The following CRMP1 variants were observed in gnomAD, a reference collection of about 807,000 sequenced individuals.
CRMP1 encodes the protein dihydropyrimidinase-related protein 1.
Under a neutral mutation model 68.3 loss-of-function variants are expected in CRMP1, and 19 were observed. That is an observed-to-expected ratio of 0.28 (90% CI 0.19 to 0.41). The LOEUF is 0.41. Among genes scored for constraint, CRMP1 ranks in the 10% least tolerant of loss-of-function variants. The pLI is 1.00. For synonymous variants in CRMP1, 439 were observed against 399.6 expected (o/e 1.10, Z -1.18); for missense variants, 791 against 967.4 (o/e 0.82, Z 2.42).
At chr4:5,869,681 C>CAAA (rs33973891) in intron 1 of CRMP1, among the ~76,000 whole-genome samples, 79 of 92,908 alleles carry the variant, frequency 8.5e-4, no homozygotes, top group African/African-American at 3.1e-3. Context: ...AAGACTCCGT[C>CAAA]AAAAAAAAAA....
In CRMP1 at chr4:5,889,634, C is replaced by G. The variant is rs1247471090; in HGVS notation, c.381+2955G>C. Reference sequence around the variant, plus strand: ...AGAATAAAACACCAACCTTGTCCACCACTTCGTTGTTCATTTTCTGCATGC... The same window carrying G: ...AGAATAAAACACCAACCTTGTCCACGACTTCGTTGTTCATTTTCTGCATGC... On this transcript the variant is annotated intron_variant, in intron 1 of 13. Coordinates refer to ENST00000324989, the MANE Select transcript of CRMP1 (RefSeq NM_001014809.3). The surrounding 1 kb of genome is among the most constrained non-coding windows in gnomAD (Gnocchi z 4.5). The G allele has an allele frequency of 6.5e-7, 1 of 1,536,072 alleles. No individual in the cohort carries two copies. Among genetic ancestry groups the G allele is most frequent in the Admixed American group, 2.0e-5 (1 of 50,990 alleles).
In CRMP1 at chr4:5,865,417, C is replaced by G. The variant is rs963776962; in HGVS notation, c.470+1251G>C. 1.3e-5 allele frequency among the ~76,000 whole-genome samples: 2 copies of G among 151,996 alleles called. No homozygotes were observed. Among genetic ancestry groups the G allele is most frequent in the Non-Finnish European group, 2.9e-5 (2 of 67,996 alleles). On this transcript the variant is annotated intron_variant, in intron 2 of 13. Coordinates refer to ENST00000324989, the MANE Select transcript of CRMP1 (RefSeq NM_001014809.3). The surrounding 1 kb of genome is among the most constrained non-coding windows in gnomAD (Gnocchi z 4.1). ...CGAGCGGATCACGAGGTCAGGAGAT[C>G]GAGACCATCCTGGCCAACATGGTGA...
rs1199298504 is a variant in CRMP1, at chr4:5,860,690, T to C, written c.655+336A>G. 6.6e-6 allele frequency among the ~76,000 whole-genome samples: 1 copy of C among 151,982 alleles called. No homozygotes were observed. Among genetic ancestry groups the C allele is most frequent in the African/African-American group, 2.4e-5 (1 of 41,284 alleles). ...TGTCTTCTTTACTTAATACTTTTCTTTAAACAAATTTTGTTTCTAAAAATC... is the reference window on the plus strand; with the variant it reads ...TGTCTTCTTTACTTAATACTTTTCTCTAAACAAATTTTGTTTCTAAAAATC... On this transcript the variant is annotated intron_variant, in intron 3 of 13. Coordinates refer to ENST00000324989, the MANE Select transcript of CRMP1 (RefSeq NM_001014809.3). This position sits in a 1 kb window ranked among gnomAD's most constrained non-coding sequence, Gnocchi z 4.2.
intron 12 of CRMP1, chr4:5,828,179 T>C (rs1719982562): frequency 2.0e-6 from 2 of 985,250 alleles, no homozygotes; most frequent in Non-Finnish European, 2.4e-6. Flanking sequence ...TGGGCAGGAT[T>C]ACTTAAGATG....
intron 11 of CRMP1, among the ~76,000 whole-genome samples, 193 bp from the exon 12 acceptor site, chr4:5,828,861 C>A (rs1186155674): frequency 6.6e-6 from 1 of 152,078 alleles, no homozygotes; most frequent in Admixed American, 6.6e-5. Flanking sequence ...CTCACCGTTG[C>A]GCATGTAGGC....
chr4:5,843,033 C>T lies in CRMP1; in HGVS notation c.1032+60G>A. Reference sequence around the variant, plus strand: ...GGCTGGGCTACTCCAGCTGGAACAGCATCAAGGTGAGTGCTCAGTGGTGAG... The same window carrying T: ...GGCTGGGCTACTCCAGCTGGAACAGTATCAAGGTGAGTGCTCAGTGGTGAG... On this transcript the variant is annotated intron_variant, in intron 7 of 13. Coordinates refer to ENST00000324989, the MANE Select transcript of CRMP1 (RefSeq NM_001014809.3). This position sits in a 1 kb window ranked among gnomAD's most constrained non-coding sequence, Gnocchi z 4.1. 1 of 1,528,222 alleles carries T rather than the reference C, an allele frequency of 6.5e-7. No individual in the cohort carries two copies. The highest frequency in any genetic ancestry group is 9.1e-7 in the Non-Finnish European group (1 of 1,103,704). 94.7% of individuals were successfully genotyped at this position (1,528,222 alleles called of 1,614,324 possible). A position where few individuals can be genotyped will look rare whatever the true frequency, so the allele number is the denominator to read the frequency against.
At chr4:5,828,411 C>A in intron 12 of CRMP1, 78 bp downstream of exon 12, 1 of 1,546,852 alleles carries the variant, frequency 6.5e-7, no homozygotes, top group South Asian at 1.3e-5. Flanking sequence ...ACTCTGCACA[C>A]GTCAGATCTC....
rs35551598 is a variant in CRMP1, at chr4:5,854,399, G to GTTTTTTT, written c.820+1737_820+1743dup. 5.6e-5 allele frequency among the ~76,000 whole-genome samples: 4 copies of GTTTTTTT among 70,862 alleles called. No individual in the cohort carries two copies. The highest frequency in any genetic ancestry group is 1.6e-4 in the Admixed American group (1 of 6,160). The allele number at this position is 70,862 out of a possible 152,430, so 46.5% of individuals were successfully genotyped here. ...GGCGTACACCACCACTCCTGGCTAT[G>GTTTTTTT]TTTTTTTTTTTTTTTTTTTTTTTTT... On this transcript the variant is annotated intron_variant, in intron 4 of 13. Coordinates refer to ENST00000324989, the MANE Select transcript of CRMP1 (RefSeq NM_001014809.3). This position sits in a 1 kb window ranked among gnomAD's most constrained non-coding sequence, Gnocchi z 4.0.
intron 6 of CRMP1, among the ~76,000 whole-genome samples, chr4:5,845,374 G>C (rs1712114111): frequency 6.6e-6 from 1 of 152,246 alleles, no homozygotes; most frequent in African/African-American, 2.4e-5. Context: ...TGCTCTGAAG[G>C]AAGCCGCCTC....
At chr4:5,840,146 G>A (rs1212105616) in intron 8 of CRMP1, among the ~76,000 whole-genome samples, 2 of 152,162 alleles carry the variant, frequency 1.3e-5, no homozygotes, top group Non-Finnish European at 2.9e-5. Flanking sequence ...CCAATAAAGG[G>A]AGATTTCTCA....
chr4:5,868,026 A>G (rs1449452200), intron 1 of CRMP1, among the ~76,000 whole-genome samples: 1 of 151,918 alleles, frequency 6.6e-6, no homozygotes, highest in Non-Finnish European at 1.5e-5. Context: ...GGCACAGACT[A>G]GGCTTTCAAC....
chr4:5,822,076 TGTG>T (rs1282712771), intron 13 of CRMP1, among the ~76,000 whole-genome samples: 1 of 152,228 alleles, frequency 6.6e-6, no homozygotes, highest in East Asian at 1.9e-4. Context: ...CTGACCACCT[TGTG>T]GTGTTCTTGT....
At chr4:5,831,703 A>T (rs571300251) in intron 11 of CRMP1, among the ~76,000 whole-genome samples, 23 of 152,188 alleles carry the variant, frequency 1.5e-4, no homozygotes, top group Non-Finnish European at 2.5e-4. Context: ...CAAGCTGCAG[A>T]GGTGTGAGGA....
Position 5,888,702 on chromosome 4 carries a change from T to A in CRMP1, c.381+3887A>T. ...CCCTTGGCGGGCCCTGGCCTCGCTC[T>A]CGCGATCCAGAGAGTATGGTTTTCA... is the stretch of plus-strand genomic sequence containing the variant. On this transcript the variant is annotated intron_variant, in intron 1 of 13. Coordinates refer to ENST00000324989, the MANE Select transcript of CRMP1 (RefSeq NM_001014809.3). This position sits in a 1 kb window ranked among gnomAD's most constrained non-coding sequence, Gnocchi z 6.4. 1 of 819,790 alleles carries A rather than the reference T, an allele frequency of 1.2e-6. No homozygotes were observed. The highest frequency in any genetic ancestry group is 1.5e-6 in the Non-Finnish European group (1 of 683,814). The allele number at this position is 819,790 out of a possible 1,614,324, so 50.8% of individuals were successfully genotyped here.
chr4:5,842,816 C>T lies in CRMP1; in HGVS notation c.1032+277G>A, dbSNP rs1053126265. Among the ~76,000 whole-genome samples the T allele has an allele frequency of 1.3e-5, 2 of 152,140 alleles. No homozygotes were observed. Among genetic ancestry groups the T allele is most frequent in the African/African-American group, 4.8e-5 (2 of 41,428 alleles). On this transcript the variant is annotated intron_variant, in intron 7 of 13. Coordinates refer to ENST00000324989, the MANE Select transcript of CRMP1 (RefSeq NM_001014809.3). This position sits in a 1 kb window ranked among gnomAD's most constrained non-coding sequence, Gnocchi z 4.5. ...CTCCACTTTCCTATTATCCACTATGCCATGTCCTCCATGAGAATCCGTATC... is the reference window on the plus strand; with the variant it reads ...CTCCACTTTCCTATTATCCACTATGTCATGTCCTCCATGAGAATCCGTATC...
At position 5,861,099 on chromosome 4, in the gene CRMP1, G is replaced by A. The variant is rs1163539308; in HGVS notation, c.582C>T (p.Ser194=). The change falls in exon 3 of 14, where the codon TCC becomes TCT. Residue 194 remains serine, a synonymous_variant. Transcript: ENST00000324989. This position sits in a 1 kb window ranked among gnomAD's most constrained non-coding sequence, Gnocchi z 6.0. ...AGTCATCAGCCGCAGTCATCCCCTG[G>A]GAGGGCTTCTGCAGGTACGTGTTGA... ...IDVNTYLQKP[S]QGMTAADDFF... The A allele has an allele frequency of 1.2e-6, 2 of 1,614,196 alleles. No homozygotes were observed. Among genetic ancestry groups the A allele is most frequent in the South Asian group, 1.1e-5 (1 of 91,084 alleles).
intron 1 of CRMP1, among the ~76,000 whole-genome samples, chr4:5,885,027 T>C (rs1715481562): frequency 6.7e-6 from 1 of 150,024 alleles, no homozygotes; most frequent in African/African-American, 2.5e-5. Flanking sequence ...GCTTTATAAA[T>C]ATTTCACACA....
chr4:5,878,365 T>C (rs1434886006), intron 1 of CRMP1, among the ~76,000 whole-genome samples: 1 of 152,064 alleles, frequency 6.6e-6, no homozygotes, highest in Non-Finnish European at 1.5e-5. Context: ...TCAGTGTTTA[T>C]CAAGTACATA....
At chr4:5,837,319 A>G (rs73061895) in intron 9 of CRMP1, among the ~76,000 whole-genome samples, 1 of 152,230 alleles carries the variant, frequency 6.6e-6, no homozygotes, top group African/African-American at 2.4e-5. Context: ...CCTGAGCTGA[A>G]CACCTAAGAC....
Sources: gnomAD v4.1 joint callset for allele counts (sites outside exome capture counted in the v4.1 genomes callset) on GRCh38, gnomAD v4.1.1 for gene constraint, Gnocchi (gnomAD v3.1) non-coding constraint, MANE v1.5 for transcripts, NCBI Gene and HGNC (gene_info 2026-07-23, HGNC 2026-07-21) for gene names.